Variants in GK observed in about 807,000 individuals in gnomAD.
GK encodes the protein ATP:glycerol 3-phosphotransferase.
In GK, 9 loss-of-function variants were observed where a neutral mutation model predicts 56.4. The observed-to-expected ratio is 0.16, with a 90% confidence interval of 0.10 to 0.28. The LOEUF (loss-of-function observed/expected upper bound fraction) is 0.28, where lower values mean the gene tolerates loss of function less well. Ranked by LOEUF, GK falls within the 10% of genes least tolerant of loss-of-function variation. GK has a pLI of 1.00. For synonymous variants in GK, 104 were observed against 144.1 expected (o/e 0.72, Z 1.99); for missense variants, 161 against 431.4 (o/e 0.37, Z 5.55).
At position 30,694,389 on chromosome X, in the gene GK, A is replaced by G. The variant is rs754749317; in HGVS notation, c.415-11A>G. The stretch of plus-strand genomic sequence containing the variant: ...TTTTCATTTGCTAACTGAACTTCAC[A>G]ACTGTTTTAGTCCAAGACAGGCCTT... On this transcript the variant is annotated splice_polypyrimidine_tract_variant and intron_variant, in intron 5 of 20. Transcript: ENST00000427190. The G allele has an allele frequency of 1.4e-5, 17 of 1,199,331 alleles. No individual in the cohort carries two copies. Among genetic ancestry groups the G allele is most frequent in the Non-Finnish European group, 1.8e-5 (16 of 886,177 alleles).
intron 4 of GK, chrX:30,689,533 TC>T (rs746215860): frequency 3.0e-6 from 1 of 331,332 alleles, no homozygotes; most frequent in Non-Finnish European, 5.9e-6. Context: ...ATCACCTGCA[TC>T]CCCCTCAAGC....
intron 4 of GK, among the ~76,000 whole-genome samples, chrX:30,688,501 C>G (rs1353881644): frequency 3.0e-5 from 1 of 33,891 alleles, no homozygotes; most frequent in Admixed American, 3.6e-4. Flanking sequence ...GACTCTGTCT[C>G]AAAAAAAAAA....
intron 4 of GK, among the ~76,000 whole-genome samples, chrX:30,686,430 T>G (rs1934617569): frequency 8.9e-6 from 1 of 112,289 alleles, no homozygotes; most frequent in Admixed American, 9.4e-5. Flanking sequence ...AGCCTCACCT[T>G]CACCTCACTT....
intron 1 of GK, among the ~76,000 whole-genome samples, chrX:30,660,376 G>T (rs928873415): frequency 9.0e-5 from 10 of 110,523 alleles, no homozygotes; most frequent in African/African-American, 3.0e-4. Context: ...ATTGAGACAT[G>T]ATTTGGGTTT....
At chrX:30,673,535 G>C (rs778364519) in intron 3 of GK, among the ~76,000 whole-genome samples, 1 of 111,808 alleles carries the variant, frequency 8.9e-6, no homozygotes, top group Non-Finnish European at 1.9e-5. Context: ...TCACACATAA[G>C]ACTTGTGTGC....
At position 30,666,575 on chromosome X, in the gene GK, C is replaced by T. The variant is rs1175526101; in HGVS notation, c.152+991C>T. ...ATGGGTATTTCCACTTGTCAAAACT[C>T]AGCAAATTGTGTGCTTTCGATTTGT... On this transcript the variant is annotated intron_variant, in intron 2 of 20. Transcript: ENST00000427190. 2.7e-5 allele frequency among the ~76,000 whole-genome samples: 3 copies of T among 111,620 alleles called. No homozygotes were observed. In the East Asian group the frequency reaches 8.4e-4, roughly 31 times the overall value.
intron 13 of GK, among the ~76,000 whole-genome samples, chrX:30,712,272 A>G (rs1936360402): frequency 8.9e-6 from 1 of 111,977 alleles, no homozygotes; most frequent in South Asian, 3.7e-4. Context: ...ACATTTTTGT[A>G]TATGCCTCCT....
intron 4 of GK, among the ~76,000 whole-genome samples, chrX:30,684,842 G>A (rs1443639331): frequency 9.0e-6 from 1 of 111,557 alleles, no homozygotes; most frequent in African/African-American, 3.3e-5. Context: ...TTTTTTCTAA[G>A]ATGTTATATT....
intron 3 of GK, among the ~76,000 whole-genome samples, chrX:30,671,291 CAAA>C (rs56822779): frequency 7.3e-5 from 2 of 27,306 alleles, no homozygotes; most frequent in Non-Finnish European, 6.8e-5. Flanking sequence ...AACTCCATCT[CAAA>C]AAAAAAAAAA....
At chrX:30,688,605 G>A (rs1220561357) in intron 4 of GK, among the ~76,000 whole-genome samples, 1 of 110,609 alleles carries the variant, frequency 9.0e-6, no homozygotes, top group Admixed American at 9.7e-5. Context: ...AAAGTACAGA[G>A]GCTCAGAGCT....
intron 4 of GK, among the ~76,000 whole-genome samples, chrX:30,679,007 CAT>C (rs942440990): frequency 1.8e-5 from 2 of 109,056 alleles, no homozygotes; most frequent in Non-Finnish European, 3.8e-5. Flanking sequence ...GCCAGAAGTA[CAT>C]GTTTTAAATG....
chrX:30,696,156 G>T lies in GK; in HGVS notation c.662+5G>T. On this transcript the variant is annotated splice_donor_5th_base_variant and intron_variant, in intron 7 of 20. Transcript: ENST00000427190. ...ATGGGATAAACAACTCTGCGAGTAA[G>T]TTCTGTTTTGCTCTAAATATAGTTT... 1.0e-6 allele frequency: 1 copy of T among 966,074 alleles called. No homozygotes were observed. The highest frequency in any genetic ancestry group is 1.9e-5 in the African/African-American group (1 of 53,263). 79.6% of individuals were successfully genotyped at this position (966,074 alleles called of 1,213,427 possible). A position where few individuals can be genotyped will look rare whatever the true frequency, so the allele number is the denominator to read the frequency against.
At chrX:30,706,330 T>C (rs772990784) in intron 11 of GK, among the ~76,000 whole-genome samples, 1 of 112,198 alleles carries the variant, frequency 8.9e-6, no homozygotes, top group Non-Finnish European at 1.9e-5. Flanking sequence ...GCTGATGGGA[T>C]CTGTTGAGTT....
chrX:30,725,407 A>G (rs1043712510), intron 19 of GK, among the ~76,000 whole-genome samples: 3 of 111,618 alleles, frequency 2.7e-5, no homozygotes, highest in African/African-American at 9.8e-5. Context: ...ATTTTCCAAG[A>G]TGGTGGCAAC....
chrX:30,661,791 A>T (rs1003867744), intron 1 of GK, among the ~76,000 whole-genome samples: 8 of 112,381 alleles, frequency 7.1e-5, no homozygotes, highest in African/African-American at 2.6e-4. Context: ...CACCCCAGCA[A>T]AAAACCAAAT....
chrX:30,714,842 C>T (rs184254474), intron 13 of GK, among the ~76,000 whole-genome samples: 2 of 112,099 alleles, frequency 1.8e-5, no homozygotes, highest in East Asian at 5.6e-4. Context: ...GAAAAGTATA[C>T]TTTCTGAGCA....
intron 9 of GK, among the ~76,000 whole-genome samples, chrX:30,698,897 G>T (rs751402390): frequency 9.8e-6 from 1 of 101,994 alleles, no homozygotes; most frequent in Non-Finnish European, 2.0e-5. Flanking sequence ...AAAGAAAATA[G>T]CAGGTTTTGA....
intron 5 of GK, 57 bp downstream of exon 5, chrX:30,691,256 G>A: frequency 1.5e-6 from 1 of 668,043 alleles, no homozygotes. Context: ...AAAAAAGTTT[G>A]CAGATTTCAC....
At chrX:30,673,026 C>T (rs1056398524) in intron 3 of GK, among the ~76,000 whole-genome samples, 2 of 111,810 alleles carry the variant, frequency 1.8e-5, no homozygotes, top group Non-Finnish European at 3.8e-5. Flanking sequence ...TTATTAACAT[C>T]CTGGAGTATT....
Sources: allele counts gnomAD v4.1 joint callset (sites outside exome capture counted in the v4.1 genomes callset), GRCh38; gene constraint gnomAD v4.1.1; transcripts MANE v1.5; gene names NCBI Gene and HGNC (gene_info 2026-07-23, HGNC 2026-07-21).